KRABD5: variants seen among roughly 807,000 people sequenced by gnomAD.
KRABD5 encodes the protein KRAB domain containing 5.
chr16:31,758,383 A>G, the KRABD5 span: 1 of 152,212 alleles, frequency 6.6e-6, no homozygotes, highest in East Asian at 1.9e-4. Context: ...TAGTTGGATA[A>G]TGCAAAATAA....
the KRABD5 span, among the ~76,000 whole-genome samples, chr16:31,741,273 A>G: frequency 1.3e-5 from 2 of 152,202 alleles, no homozygotes; most frequent in Non-Finnish European, 2.9e-5. Context: ...TGATGAACAT[A>G]TGAGTGCATG....
the KRABD5 span, among the ~76,000 whole-genome samples, chr16:31,727,333 G>A: frequency 7.9e-5 from 12 of 152,156 alleles, no homozygotes; most frequent in Non-Finnish European, 1.5e-4. Flanking sequence ...GCTTATCCTG[G>A]GAAGGTTCAC....
the KRABD5 span, among the ~76,000 whole-genome samples, chr16:31,731,905 T>C: frequency 3.9e-5 from 6 of 152,178 alleles, no homozygotes; most frequent in Middle Eastern, 3.2e-3. Flanking sequence ...AGGGTCTCTG[T>C]GTGGACAGGA....
the KRABD5 span, chr16:31,756,666 G>A: frequency 1.3e-5 from 2 of 152,004 alleles, no homozygotes; most frequent in Non-Finnish European, 2.9e-5. Flanking sequence ...TTATATGGGG[G>A]TATACTTAAA....
the KRABD5 span, among the ~76,000 whole-genome samples, chr16:31,748,784 T>TTTG: frequency 1.3e-5 from 2 of 152,110 alleles, no homozygotes; most frequent in African/African-American, 4.8e-5. Context: ...TGTGGGAGTT[T>TTTG]TTGTTGTTGT....
At chr16:31,734,328 A>G in the KRABD5 span, among the ~76,000 whole-genome samples, 6 of 151,482 alleles carry the variant, frequency 4.0e-5, no homozygotes, top group Admixed American at 6.6e-5. Context: ...GTAGTTCACC[A>G]TAGCTTCAAA....
At chr16:31,716,285 G>T in the KRABD5 span, among the ~76,000 whole-genome samples, 1 of 152,176 alleles carries the variant, frequency 6.6e-6, no homozygotes. Context: ...GCATAGCCTT[G>T]CCTGGGCCAG....
the KRABD5 span, among the ~76,000 whole-genome samples, chr16:31,728,467 C>G: frequency 6.6e-6 from 1 of 151,960 alleles, no homozygotes; most frequent in South Asian, 2.1e-4. Context: ...GGTTGCATCA[C>G]AGAAGTTTTG....
the KRABD5 span, chr16:31,759,569 A>C: frequency 1.5e-5 from 11 of 717,134 alleles, no homozygotes; most frequent in South Asian, 3.1e-5. Flanking sequence ...AAAAAATTAA[A>C]TGGGTGGGGG....
At chr16:31,755,478 C>T in the KRABD5 span, 2 of 463,814 alleles carry the variant, frequency 4.3e-6, no homozygotes, top group South Asian at 1.6e-5. Flanking sequence ...AAATGTAAAG[C>T]ATGTAGCAAA....
At chr16:31,736,580 C>T in the KRABD5 span, among the ~76,000 whole-genome samples, 32 of 147,394 alleles carry the variant, frequency 2.2e-4, no homozygotes, top group South Asian at 3.0e-3. Flanking sequence ...TGCAATGGCG[C>T]GATTTTGGCT....
At chr16:31,720,604 CT>C in the KRABD5 span, among the ~76,000 whole-genome samples, 4 of 152,274 alleles carry the variant, frequency 2.6e-5, no homozygotes, top group African/African-American at 9.6e-5. Flanking sequence ...CTATGATTTA[CT>C]TTTTTCCCCC....
chr16:31,731,380 G>T, the KRABD5 span, among the ~76,000 whole-genome samples: 1 of 152,160 alleles, frequency 6.6e-6, no homozygotes, highest in Non-Finnish European at 1.5e-5. Context: ...TCAGGATCTT[G>T]AGCATTGGGG....
At chr16:31,718,782 A>G in the KRABD5 span, among the ~76,000 whole-genome samples, 2 of 152,058 alleles carry the variant, frequency 1.3e-5, no homozygotes, top group South Asian at 2.1e-4. Flanking sequence ...TGCCCAAATC[A>G]CTACTGGGGC....
At chr16:31,715,382 G>A in the KRABD5 span, among the ~76,000 whole-genome samples, 1 of 152,104 alleles carries the variant, frequency 6.6e-6, no homozygotes, top group Non-Finnish European at 1.5e-5. Context: ...TGCTCTTGAA[G>A]AACAAAAAGG....
At chr16:31,754,111 C>T in the KRABD5 span, 60 of 703,642 alleles carry the variant, frequency 8.5e-5, no homozygotes, top group South Asian at 4.2e-4. Flanking sequence ...TTGGATAATC[C>T]GAATAGTGAC....
At chr16:31,742,434 A>G in the KRABD5 span, among the ~76,000 whole-genome samples, 136 of 152,202 alleles carry the variant, frequency 8.9e-4, no homozygotes, top group African/African-American at 3.2e-3. Context: ...TCCCTGTGTT[A>G]GTTTGCTGAG....
At chr16:31,754,391 A>G in the KRABD5 span, 1 of 614,268 alleles carries the variant, frequency 1.6e-6, no homozygotes, top group Admixed American at 2.9e-5. Context: ...CACACATAAT[A>G]AAACTTTGAC....
the KRABD5 span, among the ~76,000 whole-genome samples, chr16:31,735,383 G>A: frequency 6.6e-6 from 1 of 152,132 alleles, no homozygotes; most frequent in Non-Finnish European, 1.5e-5. Context: ...TGGGAATGCA[G>A]CTATGTTTTT....
Sources: allele counts gnomAD v4.1 joint callset (sites outside exome capture counted in the v4.1 genomes callset), GRCh38; gene constraint gnomAD v4.1.1; transcripts MANE v1.5; gene names NCBI Gene and HGNC (gene_info 2026-07-23, HGNC 2026-07-21).